The following SEMA3D variants were observed in gnomAD, a reference collection of about 807,000 sequenced individuals.
SEMA3D encodes semaphorin-3D.
SEMA3D carries 84 observed loss-of-function variants against 100.1 expected under a neutral mutation model. The ratio of observed to expected loss-of-function variants is 0.84; its 90% CI spans 0.70 to 1.01. The LOEUF is 1.01. Among genes scored for constraint, SEMA3D ranks in the 50% least tolerant of loss-of-function variants. The pLI is 0.00. For missense variants in SEMA3D, 875 were observed against 934.1 expected (o/e 0.94, Z 0.82); for synonymous variants, 312 against 320.7 (o/e 0.97, Z 0.29).
chr7:85,090,074 C>A (rs369025936), intron 4 of SEMA3D, among the ~76,000 whole-genome samples: 6 of 152,176 alleles, frequency 3.9e-5, no homozygotes, highest in African/African-American at 1.4e-4. Context: ...CTATTCAACA[C>A]CTCTAATCCA....
At chr7:85,197,053 A>G in the SEMA3D span, among the ~76,000 whole-genome samples, 5 of 152,002 alleles carry the variant, frequency 3.3e-5, no homozygotes, top group Admixed American at 1.3e-4. Context: ...TTACTTCCCA[A>G]CCTGACTCTG....
intron 5 of SEMA3D, among the ~76,000 whole-genome samples, chr7:85,076,974 C>A (rs1379515293): frequency 1.3e-5 from 2 of 151,934 alleles, no homozygotes; most frequent in African/African-American, 4.8e-5. Flanking sequence ...GGCGCTGTGG[C>A]AGTTGCCTGT....
At chr7:85,201,456 T>A in the SEMA3D span, among the ~76,000 whole-genome samples, 1 of 152,176 alleles carries the variant, frequency 6.6e-6, no homozygotes, top group Non-Finnish European at 1.5e-5. Flanking sequence ...CTCAATCTCC[T>A]TTTTAATCTT....
chr7:85,136,648 T>C (rs1233301163), intron 2 of SEMA3D, among the ~76,000 whole-genome samples: 2 of 152,142 alleles, frequency 1.3e-5, no homozygotes, highest in Non-Finnish European at 2.9e-5. Context: ...CATTATGCAT[T>C]GAAAGGCATA....
the SEMA3D span, among the ~76,000 whole-genome samples, chr7:85,212,473 A>G: frequency 2.3e-4 from 34 of 151,058 alleles, 1 homozygote; most frequent in African/African-American, 8.2e-4. Context: ...AGGGCTGATC[A>G]GTTCTTCTTC....
chr7:85,006,897 C>A lies in SEMA3D; in HGVS notation c.1813G>T (p.Glu605Ter). ...TADEKVIFGI[E>*]FNSTFLECIP... Reference sequence around the variant, plus strand: ...CATTCCAGAAAGGTTGAGTTAAATTCAATGCCAAAAATCACCTTTTCATCA... The same window carrying A: ...CATTCCAGAAAGGTTGAGTTAAATTAAATGCCAAAAATCACCTTTTCATCA... Residue 605 changes from glutamate (E) to a stop codon, truncating the protein, a stop_gained, in exon 18 of 19, where the codon GAA (glutamate) becomes TAA (stop). Coordinates refer to ENST00000284136, the MANE Select transcript of SEMA3D (RefSeq NM_001384900.1). LOFTEE classifies it high-confidence loss of function. 1 of 1,610,630 alleles carries A rather than the reference C, an allele frequency of 6.2e-7. No individual in the cohort carries two copies. Among genetic ancestry groups the A allele is most frequent in the Non-Finnish European group, 8.5e-7 (1 of 1,177,928 alleles).
At chr7:85,151,723 G>A in intron 2 of SEMA3D, 2 of 966,722 alleles carry the variant, frequency 2.1e-6, no homozygotes, top group Non-Finnish European at 2.5e-6. Flanking sequence ...AGCTTTTTGT[G>A]GTAATATTTT....
chr7:85,105,341 C>T (rs1381035765), intron 3 of SEMA3D, among the ~76,000 whole-genome samples: 1 of 152,044 alleles, frequency 6.6e-6, no homozygotes, highest in Admixed American at 6.6e-5. Context: ...GGCATGGATT[C>T]TCTCTTAGAT....
At chr7:85,072,703 G>T (rs778919603) in intron 6 of SEMA3D, among the ~76,000 whole-genome samples, 2 of 152,038 alleles carry the variant, frequency 1.3e-5, no homozygotes, top group Non-Finnish European at 2.9e-5. Context: ...TTACTATATC[G>T]TTCATAAACT....
the SEMA3D span, among the ~76,000 whole-genome samples, chr7:85,194,668 G>A: frequency 5.3e-5 from 8 of 152,188 alleles, no homozygotes; most frequent in South Asian, 1.7e-3. Context: ...GTGGAAGGGA[G>A]GTATATTGGT....
At chr7:85,158,149 C>G (rs987024897) in intron 1 of SEMA3D, among the ~76,000 whole-genome samples, 3 of 152,044 alleles carry the variant, frequency 2.0e-5, no homozygotes, top group Admixed American at 2.0e-4. Context: ...GAAATCTGGG[C>G]ACCTTGAAAA....
chr7:85,066,913 C>CAGAGAGAGAGAGAGAGAGAGAGAGAG (rs201123647), intron 7 of SEMA3D, among the ~76,000 whole-genome samples: 1 of 127,760 alleles, frequency 7.8e-6, no homozygotes, highest in South Asian at 2.4e-4. Flanking sequence ...CACACACACA[C>CAGAGAGAGAGAGAGAGAGAGAGAGAG]AGAGAGAGAG....
intron 15 of SEMA3D, among the ~76,000 whole-genome samples, chr7:85,016,219 C>A (rs895051390): frequency 1.4e-5 from 2 of 145,810 alleles, no homozygotes; most frequent in South Asian, 4.3e-4. Context: ...CTCTTCATTT[C>A]GGATTAAGAC....
chr7:85,059,953 T>A (rs972836708), intron 8 of SEMA3D, among the ~76,000 whole-genome samples: 6 of 152,168 alleles, frequency 3.9e-5, no homozygotes, highest in Admixed American at 2.6e-4. Flanking sequence ...AAATGGCCAA[T>A]AGGTAGGCTA....
intron 2 of SEMA3D, among the ~76,000 whole-genome samples, chr7:85,138,943 G>T (rs1354156117): frequency 1.3e-5 from 2 of 151,844 alleles, no homozygotes; most frequent in Admixed American, 6.6e-5. Context: ...CTTTCTATTG[G>T]ACGTTCACCT....
intron 3 of SEMA3D, among the ~76,000 whole-genome samples, chr7:85,098,304 CA>C (rs1310274493): frequency 6.6e-6 from 1 of 151,450 alleles, no homozygotes; most frequent in African/African-American, 2.4e-5. Flanking sequence ...GTGTGAAAAA[CA>C]CACAGTATTA....
At chr7:85,150,403 G>GAT (rs199781825) in intron 2 of SEMA3D, among the ~76,000 whole-genome samples, 72 of 125,820 alleles carry the variant, frequency 5.7e-4, no homozygotes, top group Non-Finnish European at 7.6e-4. Context: ...TATTTACAGG[G>GAT]ATATATATAT....
intron 3 of SEMA3D, among the ~76,000 whole-genome samples, chr7:85,111,840 T>C (rs1446283876): frequency 6.6e-6 from 1 of 152,084 alleles, no homozygotes; most frequent in African/African-American, 2.4e-5. Context: ...AGCCATACCA[T>C]CTTCTTTAGG....
At position 85,097,899 on chromosome 7, in the gene SEMA3D, A is replaced by T; in HGVS notation, c.218T>A (p.Leu73His). ...GSSEGLDFQT[L>H]LLDEERGRLL... ...CCTGCCTCTTTCCTCATCTAAGAGAAGAGTTTGAAAATCCAGTCCTTCTGA... is the reference window on the plus strand; with the variant it reads ...CCTGCCTCTTTCCTCATCTAAGAGATGAGTTTGAAAATCCAGTCCTTCTGA... Residue 73 changes from leucine to histidine, a missense_variant, in exon 4 of 19, where the codon CTT (leucine) becomes CAT (histidine). Coordinates refer to ENST00000284136, the MANE Select transcript of SEMA3D (RefSeq NM_001384900.1). The T allele has an allele frequency of 6.2e-7, 1 of 1,609,602 alleles. No individual in the cohort carries two copies. The highest frequency in any genetic ancestry group is 8.5e-7 in the Non-Finnish European group (1 of 1,176,872).
Sources: allele counts gnomAD v4.1 joint callset (sites outside exome capture counted in the v4.1 genomes callset), GRCh38; gene constraint gnomAD v4.1.1; transcripts MANE v1.5; gene names NCBI Gene and HGNC (gene_info 2026-07-23, HGNC 2026-07-21).